VPS13B: variants seen among roughly 807,000 people sequenced by gnomAD.
VPS13B encodes the protein vacuolar protein sorting 13 homolog B, also known as intermembrane lipid transfer protein VPS13B.
VPS13B carries 285 observed loss-of-function variants against 426.4 expected under a neutral mutation model. The observed-to-expected ratio is 0.67, with a 90% CI of 0.61 to 0.74. The LOEUF is 0.74. Among genes scored for constraint, VPS13B ranks in the 30% least tolerant of loss-of-function variants. The pLI is 0.00. For missense variants in VPS13B, 4,537 were observed against 4,782.6 expected (o/e 0.95, Z 1.51); for synonymous variants, 1,676 against 1,676.4 (o/e 1.00, Z 0.01).
intron 21 of VPS13B, among the ~76,000 whole-genome samples, chr8:99,414,787 G>A (rs193155066): frequency 4.5e-4 from 69 of 152,306 alleles, no homozygotes; most frequent in Admixed American, 4.1e-3. Context: ...CAAGAGATCC[G>A]ATGTTAGTCT....
At chr8:99,811,032 GC>G (rs1813668907) in intron 44 of VPS13B, among the ~76,000 whole-genome samples, 1 of 152,132 alleles carries the variant, frequency 6.6e-6, no homozygotes, top group African/African-American at 2.4e-5. Context: ...ATGAATATCT[GC>G]CCAGTAAGTG....
intron 19 of VPS13B, among the ~76,000 whole-genome samples, chr8:99,314,278 C>G (rs1045529144): frequency 6.6e-6 from 1 of 152,130 alleles, no homozygotes; most frequent in African/African-American, 2.4e-5. Context: ...GAGCTGTAGA[C>G]TGGAGCTGTT....
intron 23 of VPS13B, among the ~76,000 whole-genome samples, chr8:99,461,147 A>G (rs1349711475): frequency 1.3e-5 from 2 of 150,014 alleles, no homozygotes; most frequent in Non-Finnish European, 3.0e-5. Context: ...AAGCTACTTC[A>G]TGTATTACTA....
chr8:99,783,827 C>A (rs79250724), intron 42 of VPS13B, among the ~76,000 whole-genome samples: 1 of 152,134 alleles, frequency 6.6e-6, no homozygotes, highest in Non-Finnish European at 1.5e-5. Flanking sequence ...CACACATATC[C>A]ACCCTCCCTC....
At chr8:99,269,216 A>G (rs1027455541) in intron 17 of VPS13B, among the ~76,000 whole-genome samples, 13 of 152,142 alleles carry the variant, frequency 8.5e-5, no homozygotes, top group African/African-American at 3.1e-4. Flanking sequence ...GCATTATTCT[A>G]TATTTAATTT....
At chr8:99,545,595 A>T (rs1338583979) in intron 30 of VPS13B, among the ~76,000 whole-genome samples, 1 of 152,140 alleles carries the variant, frequency 6.6e-6, no homozygotes, top group African/African-American at 2.4e-5. Flanking sequence ...TAGGTTACAT[A>T]GCCTCAATGC....
At chr8:99,337,221 G>T (rs1051735458) in intron 19 of VPS13B, among the ~76,000 whole-genome samples, 4 of 152,054 alleles carry the variant, frequency 2.6e-5, no homozygotes, top group African/African-American at 9.7e-5. Context: ...TAGGGACATG[G>T]ATGAAATTGG....
intron 31 of VPS13B, among the ~76,000 whole-genome samples, chr8:99,557,739 G>A (rs1588492594): frequency 6.6e-6 from 1 of 152,274 alleles, no homozygotes; most frequent in African/African-American, 2.4e-5. Context: ...TTTAAAGGAA[G>A]TAGTCCTGAA....
chr8:99,042,073 G>A (rs548903079), intron 3 of VPS13B, among the ~76,000 whole-genome samples: 6 of 151,900 alleles, frequency 3.9e-5, no homozygotes, highest in Middle Eastern at 3.4e-3. Context: ...CCAGGAGGCG[G>A]AGGTTGTGGT....
At chr8:99,284,520 T>C (rs1819331654) in intron 19 of VPS13B, among the ~76,000 whole-genome samples, 1 of 152,180 alleles carries the variant, frequency 6.6e-6, no homozygotes, top group Non-Finnish European at 1.5e-5. Flanking sequence ...ATAAATTATG[T>C]TACTTTGAGC....
chr8:99,231,353 A>T (rs1209751549), intron 17 of VPS13B, among the ~76,000 whole-genome samples: 1 of 152,134 alleles, frequency 6.6e-6, no homozygotes, highest in African/African-American at 2.4e-5. Context: ...CAGTAGAGGA[A>T]ACTGGTGTTG....
chr8:99,729,951 G>A (rs1833522868), intron 39 of VPS13B, among the ~76,000 whole-genome samples: 1 of 152,214 alleles, frequency 6.6e-6, no homozygotes, highest in Admixed American at 6.5e-5. Context: ...CAAAGGTTAT[G>A]ATATTAGCAC....
chr8:99,679,254 A>G (rs1055635222), intron 35 of VPS13B, among the ~76,000 whole-genome samples: 5 of 152,222 alleles, frequency 3.3e-5, no homozygotes, highest in African/African-American at 4.8e-5. Context: ...AAGGATGAGT[A>G]TATGCCATCA....
At chr8:99,123,624 A>C (rs774024262) in intron 8 of VPS13B, among the ~76,000 whole-genome samples, 3 of 152,152 alleles carry the variant, frequency 2.0e-5, no homozygotes, top group Non-Finnish European at 4.4e-5. Context: ...TGCAATTTTC[A>C]AGCAAGAGAT....
chr8:99,445,617 CT>C lies in VPS13B; in HGVS notation c.3445+2990del, dbSNP rs1341118254. On this transcript the variant is annotated intron_variant, in intron 23 of 61. Transcript: ENST00000357162. ...TGTTGGAAATTATTTTCTCACTATT[CT>C]TTTTTTTAATATTAGAAATTAACAC... Among the ~76,000 whole-genome samples, 4 of 150,866 alleles carry C rather than the reference CT, an allele frequency of 2.7e-5. No individual in the cohort carries two copies. The South Asian group carries it at 6.3e-4, about 24-fold the overall frequency.
At chr8:99,263,730 C>CT (rs1310007909) in intron 17 of VPS13B, among the ~76,000 whole-genome samples, 1 of 152,150 alleles carries the variant, frequency 6.6e-6, no homozygotes, top group Non-Finnish European at 1.5e-5. Flanking sequence ...CTAGGATCAT[C>CT]TCCCTATTTC....
intron 4 of VPS13B, among the ~76,000 whole-genome samples, chr8:99,099,245 C>T (rs183232595): frequency 8.3e-4 from 127 of 152,260 alleles, no homozygotes; most frequent in African/African-American, 2.8e-3. Flanking sequence ...ACAATTTCAG[C>T]ATTTCATAAA....
chr8:99,482,134 C>G (rs993606277), intron 25 of VPS13B, among the ~76,000 whole-genome samples: 62 of 152,244 alleles, frequency 4.1e-4, no homozygotes, highest in African/African-American at 1.4e-3. Flanking sequence ...TTCCCTACCT[C>G]TGTTCCGCTA....
At chr8:99,037,837 CTTT>C (rs5893475) in intron 2 of VPS13B, among the ~76,000 whole-genome samples, 30 of 142,034 alleles carry the variant, frequency 2.1e-4, no homozygotes, top group East Asian at 4.1e-4. Context: ...AAGTGGAATA[CTTT>C]TTTTTTTTTT....
Sources: allele counts gnomAD v4.1 joint callset (sites outside exome capture counted in the v4.1 genomes callset), GRCh38; gene constraint gnomAD v4.1.1; transcripts MANE v1.5; gene names NCBI Gene and HGNC (gene_info 2026-07-23, HGNC 2026-07-21).